ATP13A2: variants seen among roughly 807,000 people sequenced by gnomAD.
ATP13A2 encodes the protein polyamine-transporting ATPase 13A2.
Under a neutral mutation model 138.3 loss-of-function variants are expected in ATP13A2, and 83 were observed. The observed-to-expected ratio is 0.60, with a 90% CI of 0.50 to 0.72. The LOEUF (loss-of-function observed/expected upper bound fraction) is 0.72. ATP13A2 is among the 30% of genes least tolerant of loss of function. The pLI is 0.00. For missense variants in ATP13A2, 1,402 were observed against 1,606.4 expected (o/e 0.87, Z 2.17); for synonymous variants, 663 against 699.0 (o/e 0.95, Z 0.81).
At chr1:17,003,670 T>C (rs1470503895) in intron 6 of ATP13A2, among the ~76,000 whole-genome samples, 1 of 148,098 alleles carries the variant, frequency 6.8e-6, no homozygotes, top group Non-Finnish European at 1.5e-5. Context: ...CTTTTTCTTT[T>C]TTTTTTTTTT....
chr1:16,991,927 G>T, intron 19 of ATP13A2, 69 bp from the exon 20 acceptor site: 7 of 1,612,512 alleles, frequency 4.3e-6, no homozygotes, highest in Admixed American at 1.7e-5. Context: ...CCACCAGGCA[G>T]GGCATCTTCC....
chr1:17,006,529 G>C (rs192081528), intron 1 of ATP13A2, among the ~76,000 whole-genome samples: 1 of 152,250 alleles, frequency 6.6e-6, no homozygotes, highest in Admixed American at 6.5e-5. Context: ...GGGATTACAG[G>C]CATGAGCCAC....
rs2077451806 is a variant in ATP13A2, at chr1:17,003,737, C to G, written c.557+595G>C. ...AGAGTGCAGTGGCGCGATGTTGGCT[C>G]ACTGCAACCTCTGCCGCCCAGGTTC... On this transcript the variant is annotated intron_variant, in intron 6 of 28. Coordinates refer to ENST00000326735, the MANE Select transcript of ATP13A2 (RefSeq NM_022089.4). 2.7e-5 allele frequency among the ~76,000 whole-genome samples: 4 copies of G among 150,740 alleles called. No individual in the cohort carries two copies. In the South Asian group the frequency reaches 8.4e-4, roughly 32 times the overall value.
chr1:17,002,506 GTAAGC>G, intron 6 of ATP13A2, 133 bp from the exon 7 acceptor site: 1 of 1,076,628 alleles, frequency 9.3e-7, no homozygotes, highest in Non-Finnish European at 1.3e-6. Context: ...CTGGGAGCAA[GTAAGC>G]CCCCTTGAAC....
At chr1:16,997,353 A>T (rs1461677800) in intron 11 of ATP13A2, among the ~76,000 whole-genome samples, 178 bp from the exon 12 acceptor site, 1 of 145,546 alleles carries the variant, frequency 6.9e-6, no homozygotes, top group African/African-American at 2.6e-5. Context: ...GAGAGGACGG[A>T]GATATAAAGG....
At chr1:17,001,240 A>G (rs890202887) in intron 8 of ATP13A2, among the ~76,000 whole-genome samples, 5 of 142,262 alleles carry the variant, frequency 3.5e-5, no homozygotes, top group African/African-American at 1.4e-4. Flanking sequence ...CAACATAGTG[A>G]ATCCCCGTAT....
chr1:16,987,106 T>C lies in ATP13A2; in HGVS notation c.3023A>G (p.Gln1008Arg). ...CTGCACGCCGGTCACCAGGACCATC[T>C]GCAGCAGCAGGCTGCTGAGCACGGG... Reference protein sequence around the residue: ...SVPVLSSLLLQMVLVTGVQLG... With the variant: ...SVPVLSSLLLRMVLVTGVQLG... Residue 1008 changes from glutamine (Q) to arginine (R), a missense_variant, in exon 26 of 29, where the codon CAG becomes CGG. Physicochemically the swap from Gln to Arg is conservative, Grantham distance 43 (BLOSUM62 1). Transcript: ENST00000326735. The C allele has an allele frequency of 6.2e-7, 1 of 1,613,432 alleles. No homozygotes were observed. Among genetic ancestry groups the C allele is most frequent in the Non-Finnish European group, 8.5e-7 (1 of 1,179,938 alleles).
chr1:17,005,586 C>T (rs201630010), intron 2 of ATP13A2, 30 bp from the exon 3 acceptor site: 207 of 1,614,086 alleles, frequency 1.3e-4, no homozygotes, highest in East Asian at 6.9e-4. Context: ...GGGCCCAGGT[C>T]GGGGTGGGAA....
At position 16,988,308 on chromosome 1, in the gene ATP13A2, C is replaced by A. The variant is rs2076808050; in HGVS notation, c.2762+14G>T. 1 of 1,614,096 alleles carries A rather than the reference C, an allele frequency of 6.2e-7. No homozygotes were observed. ...CCTGCTGAGCCCTCACCCACCGGTC[C>A]CTGCCTGCCTTACCTGATGACCATG... On this transcript the variant is annotated intron_variant, in intron 24 of 28. Coordinates refer to ENST00000326735, the MANE Select transcript of ATP13A2 (RefSeq NM_022089.4).
At position 17,011,427 on chromosome 1, in the gene ATP13A2, G is replaced by A. The variant is rs1390826973; in HGVS notation, c.10+302C>T. On this transcript the variant is annotated intron_variant, in intron 1 of 28. Transcript: ENST00000326735. The surrounding 1 kb of genome is among the most constrained non-coding windows in gnomAD (Gnocchi z 7.3). ...GGGGTGGCCTCCCCGTCCCCGCACG[G>A]CCCCAGGACCCTCTTGCACAAGCGC... Among the ~76,000 whole-genome samples, 2 of 152,186 alleles carry A rather than the reference G, an allele frequency of 1.3e-5. No individual in the cohort carries two copies. Among genetic ancestry groups the A allele is most frequent in the Non-Finnish European group, 2.9e-5 (2 of 68,022 alleles).
In ATP13A2 at chr1:17,000,270, C is replaced by A; in HGVS notation, c.883G>T (p.Val295Leu). 2 of 1,576,730 alleles carry A rather than the reference C, an allele frequency of 1.3e-6. No homozygotes were observed. Among genetic ancestry groups the A allele is most frequent in the Non-Finnish European group, 1.7e-6 (2 of 1,161,052 alleles). The part of the protein sequence containing the change: ...LRDMVKLSMR[V>L]CVCRPGGEEE... Reference sequence around the variant, plus strand: ...CCTCCCCCTGGCCGGCACACGCACACCCGCATGGACAACTTGACCATGTCC... The same window carrying A: ...CCTCCCCCTGGCCGGCACACGCACAACCGCATGGACAACTTGACCATGTCC... Residue 295 changes from valine to leucine, a missense_variant, in exon 10 of 29, where the codon GTG becomes TTG. Physicochemically the swap from Val to Leu is conservative, Grantham distance 32. Transcript: ENST00000326735.
At position 16,993,712 on chromosome 1, in the gene ATP13A2, C is replaced by T. The variant is rs763602590; in HGVS notation, c.1666G>A (p.Ala556Thr). The T allele has an allele frequency of 6.3e-7, 1 of 1,593,720 alleles. No individual in the cohort carries two copies. The highest frequency in any genetic ancestry group is 2.3e-5 in the East Asian group (1 of 44,016). Residue 556 changes from alanine (A) to threonine (T), a missense_variant, in exon 16 of 29, where the codon GCC (alanine) becomes ACC (threonine). Transcript: ENST00000326735. ...AGCCGGCTGAGGGCATGGCAGGTGG[C>T]CAGTGCTCGGAGCAGGGGCCCCACA... ...LPVGPLLRAL[A>T]TCHALSRLQD... is the part of the protein sequence containing the mutation.
chr1:17,008,668 C>T (rs1431463441), intron 1 of ATP13A2, among the ~76,000 whole-genome samples: 7 of 152,086 alleles, frequency 4.6e-5, no homozygotes, highest in African/African-American at 1.4e-4. Context: ...ACCCTCAGGC[C>T]GGCCGTGCGC....
rs74058365 is a variant in ATP13A2 at position 16,998,139 on chromosome 1, T to C, written c.1040-964A>G. Reference sequence around the variant, plus strand: ...ACAAGAGATGAGCAGATGAAGTATGTGTGGACAGTTTGTGGAGGGCAGGGC... The same window carrying C: ...ACAAGAGATGAGCAGATGAAGTATGCGTGGACAGTTTGTGGAGGGCAGGGC... On this transcript the variant is annotated intron_variant, in intron 11 of 28. Coordinates refer to ENST00000326735, the MANE Select transcript of ATP13A2 (RefSeq NM_022089.4). 4.9e-3 allele frequency among the ~76,000 whole-genome samples: 749 copies of C among 152,328 alleles called. 9 individuals are homozygous for C. The highest frequency in any genetic ancestry group is 0.017 in the African/African-American group (712 of 41,580).
intron 1 of ATP13A2, among the ~76,000 whole-genome samples, chr1:17,010,092 G>A (rs1023105035): frequency 6.5e-4 from 49 of 75,562 alleles, no homozygotes; most frequent in Admixed American, 1.3e-3. Flanking sequence ...TTCCCCCCCC[G>A]TTCCCCCCTT....
At chr1:16,996,754 G>A in intron 12 of ATP13A2, 1 of 621,100 alleles carries the variant, frequency 1.6e-6, no homozygotes, top group Non-Finnish European at 2.8e-6. Context: ...GCTCCTGCCT[G>A]CCCGCTACAT....
chr1:16,996,416 T>A lies in ATP13A2; in HGVS notation c.1276A>T (p.Met426Leu), dbSNP rs1381399114. Reference sequence around the variant, plus strand: ...ACAGAGAGGGCAGCCACAAACTTCATGCTGTGTTTATAGAACTTGAAGTTG... The same window carrying A: ...ACAGAGAGGGCAGCCACAAACTTCAAGCTGTGTTTATAGAACTTGAAGTTG... ...PINFKFYKHSMKFVAALSVLA... is the reference protein window; with the variant it reads ...PINFKFYKHSLKFVAALSVLA... Residue 426 changes from methionine to leucine, a missense_variant, in exon 13 of 29, where the codon ATG becomes TTG. Physicochemically the swap from Met to Leu is conservative, Grantham distance 15. Coordinates refer to ENST00000326735, the MANE Select transcript of ATP13A2 (RefSeq NM_022089.4). The A allele has an allele frequency of 1.9e-6, 3 of 1,614,058 alleles. No homozygotes were observed.
At position 17,000,406 on chromosome 1, in the gene ATP13A2, G is replaced by C; in HGVS notation, c.834C>G (p.Thr278=). 1 of 1,612,912 alleles carries C rather than the reference G, an allele frequency of 6.2e-7. No homozygotes were observed. Among genetic ancestry groups the C allele is most frequent in the Non-Finnish European group, 8.5e-7 (1 of 1,179,438 alleles). The part of the protein sequence containing the change: ...SISICLSLYK[T]RKQSQTLRDM... ...CCCACCTTATGGCACTCACCTTTCTGGTCTTGTACAGCGACAGGCAGATGG... is the reference window on the plus strand; with the variant it reads ...CCCACCTTATGGCACTCACCTTTCTCGTCTTGTACAGCGACAGGCAGATGG... Residue 278 remains threonine (T), a synonymous_variant, in exon 9 of 29, where the codon ACC becomes ACG. Transcript: ENST00000326735.
chr1:16,993,079 G>C (rs1456274581), intron 16 of ATP13A2, among the ~76,000 whole-genome samples: 2 of 152,136 alleles, frequency 1.3e-5, no homozygotes, highest in Non-Finnish European at 2.9e-5. Context: ...ACCGCACTTG[G>C]CTAATTTTTG....
Sources: allele counts gnomAD v4.1 joint callset (sites outside exome capture counted in the v4.1 genomes callset), GRCh38; gene constraint gnomAD v4.1.1; non-coding constraint Gnocchi (gnomAD v3.1); transcripts MANE v1.5; gene names NCBI Gene and HGNC (gene_info 2026-07-23, HGNC 2026-07-21).